The following LIN28B variants were observed in gnomAD, a reference collection of about 807,000 sequenced individuals.
LIN28B encodes the protein protein lin-28 homolog B.
A neutral mutation model predicts 21.9 loss-of-function variants in LIN28B; 5 were observed. The observed-to-expected ratio is 0.23, with a 90% CI of 0.12 to 0.48. LIN28B has a LOEUF of 0.48. LIN28B is among the 20% of genes least tolerant of loss of function. The probability of loss-of-function intolerance (pLI) is 0.98; values close to 1 mark genes in which losing one functional copy is unlikely to be tolerated. For missense variants in LIN28B, 245 were observed against 310.5 expected, an observed-to-expected ratio of 0.79 and a Z score of 1.58; for synonymous variants, 109 against 111.3, an observed-to-expected ratio of 0.98 and a Z score of 0.13.
intron 2 of LIN28B, among the ~76,000 whole-genome samples, chr6:104,939,718 G>C (rs1197776800): frequency 6.6e-6 from 1 of 152,096 alleles, no homozygotes; most frequent in Non-Finnish European, 1.5e-5. Flanking sequence ...CTTTTAATTT[G>C]ATTTCCTATA....
intron 2 of LIN28B, among the ~76,000 whole-genome samples, chr6:105,002,078 GT>G (rs1582889181): frequency 1.3e-5 from 2 of 151,180 alleles, no homozygotes; most frequent in South Asian, 2.1e-4. Flanking sequence ...TGTGGAACTT[GT>G]TTTTTATGCC....
At chr6:104,977,712 C>T (rs539762961) in intron 2 of LIN28B, among the ~76,000 whole-genome samples, 3 of 152,180 alleles carry the variant, frequency 2.0e-5, no homozygotes, top group East Asian at 3.9e-4. Flanking sequence ...GGAGTACAGG[C>T]GTGCGCCACC....
At position 105,081,417 on chromosome 6, in the gene LIN28B, C is replaced by A. The variant is rs1394680844; in HGVS notation, c.*2634C>A. On this transcript the variant is annotated 3_prime_UTR_variant, in exon 4 of 4. Transcript: ENST00000345080. ...GTTCATTTACATAGGTAAAATATTACTCTGTTTACAGCAAAAGGCTACCTC... is the reference window on the plus strand; with the variant it reads ...GTTCATTTACATAGGTAAAATATTAATCTGTTTACAGCAAAAGGCTACCTC... 2 of 151,610 alleles carry A rather than the reference C, an allele frequency of 1.3e-5. No individual in the cohort carries two copies. The highest frequency in any genetic ancestry group is 4.8e-5 in the African/African-American group (2 of 41,432). 9.4% of individuals were successfully genotyped at this position (151,610 alleles called of 1,614,324 possible). A position where few individuals can be genotyped will look rare whatever the true frequency, so the allele number is the denominator to read the frequency against.
At chr6:105,066,332 A>T (rs1772219259) in intron 3 of LIN28B, among the ~76,000 whole-genome samples, 1 of 152,224 alleles carries the variant, frequency 6.6e-6, no homozygotes, top group Non-Finnish European at 1.5e-5. Context: ...CATCAAAGGT[A>T]ACCCAGTCAT....
chr6:105,012,859 C>T (rs888395133), intron 2 of LIN28B, among the ~76,000 whole-genome samples: 5 of 152,144 alleles, frequency 3.3e-5, no homozygotes, highest in African/African-American at 1.2e-4. Flanking sequence ...GGTCATAGGG[C>T]AGGTATATGT....
intron 3 of LIN28B, among the ~76,000 whole-genome samples, chr6:105,031,480 A>G (rs1179655760): frequency 4.6e-5 from 7 of 151,930 alleles, no homozygotes; most frequent in African/African-American, 1.7e-4. Flanking sequence ...ATTTCTGTAT[A>G]TAAATATATA....
intron 2 of LIN28B, chr6:104,941,232 C>A (rs963176150): frequency 6.6e-6 from 1 of 152,184 alleles, no homozygotes; most frequent in East Asian, 1.9e-4. Context: ...GGTTCGGAAG[C>A]CGGCGCGCCG....
chr6:105,003,130 T>C (rs1400833451), intron 2 of LIN28B, among the ~76,000 whole-genome samples: 1 of 152,202 alleles, frequency 6.6e-6, no homozygotes, highest in African/African-American at 2.4e-5. Context: ...GGTACGACTT[T>C]TATAAAAGAC....
At chr6:105,020,314 G>A (rs550858078) in intron 2 of LIN28B, among the ~76,000 whole-genome samples, 2 of 150,772 alleles carry the variant, frequency 1.3e-5, no homozygotes, top group African/African-American at 4.9e-5. Context: ...TAAATGGTTT[G>A]TTGGGAAGAG....
At chr6:104,972,773 AT>A (rs1218076634) in intron 2 of LIN28B, among the ~76,000 whole-genome samples, 1 of 152,128 alleles carries the variant, frequency 6.6e-6, no homozygotes. Flanking sequence ...TTCAGTATTT[AT>A]TTTTTTGGAT....
intron 2 of LIN28B, among the ~76,000 whole-genome samples, chr6:104,938,985 T>C (rs1213625367): frequency 1.3e-5 from 2 of 152,144 alleles, no homozygotes; most frequent in South Asian, 2.1e-4. Flanking sequence ...GGACTTTAAA[T>C]AGGTATTGCA....
intron 3 of LIN28B, among the ~76,000 whole-genome samples, chr6:105,034,963 G>A (rs1387045552): frequency 6.6e-6 from 1 of 151,788 alleles, no homozygotes; most frequent in Non-Finnish European, 1.5e-5. Context: ...GAGCAAGTAA[G>A]CTGAAAACTA....
At chr6:104,960,297 A>C (rs1769704437) in intron 2 of LIN28B, among the ~76,000 whole-genome samples, 1 of 152,182 alleles carries the variant, frequency 6.6e-6, no homozygotes, top group African/African-American at 2.4e-5. Flanking sequence ...TAGCTAAGCA[A>C]CTACAAGTAA....
chr6:105,078,889 T>C lies in LIN28B; in HGVS notation c.*106T>C, dbSNP rs1772485457. 1 of 1,312,590 alleles carries C rather than the reference T, an allele frequency of 7.6e-7. No homozygotes were observed. Among genetic ancestry groups the C allele is most frequent in the Non-Finnish European group, 1.0e-6 (1 of 958,672 alleles). 81.3% of individuals were successfully genotyped at this position (1,312,590 alleles called of 1,614,324 possible). On this transcript the variant is annotated 3_prime_UTR_variant, in exon 4 of 4. Transcript: ENST00000345080. ...GCAGTAGCTGACCTGGGATTTTAAC[T>C]ACTATTGGGGAACTGTGAATTTTTT...
chr6:104,957,120 G>C lies in LIN28B; in HGVS notation c.-131G>C, dbSNP rs1778300754. ...AGAGAAAAAAATCAAAAGAAGGAAA[G>C]CACATTAGACCATGCGAGCTAAATT... is the stretch of plus-strand genomic sequence containing the variant. On this transcript the variant is annotated 5_prime_UTR_variant, in exon 1 of 4. Transcript: ENST00000345080. The C allele has an allele frequency of 6.3e-7, 1 of 1,593,514 alleles. No individual in the cohort carries two copies. The highest frequency in any genetic ancestry group is 2.3e-5 in the East Asian group (1 of 43,784).
At chr6:104,989,812 G>T (rs747281991) in intron 2 of LIN28B, among the ~76,000 whole-genome samples, 5 of 151,548 alleles carry the variant, frequency 3.3e-5, no homozygotes, top group Non-Finnish European at 7.4e-5. Flanking sequence ...GGCTGGTTAC[G>T]AACTCCTGGC....
Position 105,044,798 on chromosome 6 carries a change from C to G in LIN28B, c.383+18316C>G, listed in dbSNP as rs1771712489. ...GTGAAGCCTGGCTTTTAGTGTACCTCTTGCCCGACTAGTGCACGTTCTACC... is the reference window on the plus strand; with the variant it reads ...GTGAAGCCTGGCTTTTAGTGTACCTGTTGCCCGACTAGTGCACGTTCTACC... On this transcript the variant is annotated intron_variant, in intron 3 of 3. Transcript: ENST00000345080. Among the ~76,000 whole-genome samples, 4 of 152,236 alleles carry G rather than the reference C, an allele frequency of 2.6e-5. No homozygotes were observed. The South Asian group carries it at 8.3e-4, about 32-fold the overall frequency.
At chr6:105,048,789 C>G (rs1159358492) in intron 3 of LIN28B, among the ~76,000 whole-genome samples, 3 of 152,172 alleles carry the variant, frequency 2.0e-5, no homozygotes, top group Admixed American at 6.5e-5. Context: ...TCTAGATTTT[C>G]TAGTTTATTT....
chr6:105,045,601 G>T (rs1012331556), intron 3 of LIN28B: 1 of 152,040 alleles, frequency 6.6e-6, no homozygotes, highest in Admixed American at 6.6e-5. Context: ...TGTCATTCTT[G>T]TATAGGGGCC....
Sources: gnomAD v4.1 joint callset for allele counts (sites outside exome capture counted in the v4.1 genomes callset) on GRCh38, gnomAD v4.1.1 for gene constraint, MANE v1.5 for transcripts, NCBI Gene and HGNC (gene_info 2026-07-23, HGNC 2026-07-21) for gene names.